Variants in DAB2IP observed in about 807,000 individuals in gnomAD.
DAB2IP encodes disabled homolog 2-interacting protein.
A neutral mutation model predicts 107.2 loss-of-function variants in DAB2IP; 28 were observed. That is an observed-to-expected ratio of 0.26 (90% CI 0.19 to 0.36). DAB2IP has a LOEUF of 0.36. DAB2IP is among the 10% of genes least tolerant of loss of function. The pLI is 1.00. For missense variants in DAB2IP, 1,400 were observed against 1,644.7 expected (o/e 0.85, Z 2.57); for synonymous variants, 755 against 706.4 (o/e 1.07, Z -1.09).
intron 1 of DAB2IP, among the ~76,000 whole-genome samples, chr9:121,666,737 A>C (rs1833450268): frequency 6.6e-6 from 1 of 152,122 alleles, no homozygotes. Flanking sequence ...CACGTTCTGC[A>C]CATGTATCCC....
chr9:121,695,088 C>T (rs896588506), intron 2 of DAB2IP, among the ~76,000 whole-genome samples: 3 of 152,240 alleles, frequency 2.0e-5, no homozygotes, highest in Non-Finnish European at 4.4e-5. Context: ...GCCCTGCCTG[C>T]CCCGTGCACT....
In DAB2IP at chr9:121,741,435, T is replaced by A. The variant is rs559929607; in HGVS notation, c.363-15578T>A. Among the ~76,000 whole-genome samples the A allele has an allele frequency of 1.1e-3, 165 of 152,266 alleles. 1 individual carries two copies. The highest frequency in any genetic ancestry group is 3.9e-3 in the African/African-American group (160 of 41,558). On this transcript the variant is annotated intron_variant, in intron 3 of 15. Transcript: ENST00000408936. ...ACTTATGCTGCCTCCTGACAGCCTG[T>A]GTGGCTTTAGGCTCTCGCTTCCCTC...
rs570328450 is a variant in DAB2IP at position 121,618,869 on chromosome 9, G to T, written c.40+51641G>T. Among the ~76,000 whole-genome samples, 10 of 152,272 alleles carry T rather than the reference G, an allele frequency of 6.6e-5. No homozygotes were observed. The East Asian group carries it at 1.9e-3, about 29-fold the overall frequency. On this transcript the variant is annotated intron_variant, in intron 1 of 16. Transcript: ENST00000259371. Reference sequence around the variant, plus strand: ...TGGTGGTGGGGGTGGCGGGGCAGGGGCTGTGTGTACGGCATCCCTAATCTG... The same window carrying T: ...TGGTGGTGGGGGTGGCGGGGCAGGGTCTGTGTGTACGGCATCCCTAATCTG...
At chr9:121,638,279 A>T (rs1031651976) in intron 1 of DAB2IP, among the ~76,000 whole-genome samples, 6 of 152,260 alleles carry the variant, frequency 3.9e-5, no homozygotes, top group Non-Finnish European at 7.3e-5. Flanking sequence ...ACATTGTATT[A>T]GCTATAAGTA....
rs1829791414 is a variant in DAB2IP, at chr9:121,701,672, G to A, written c.362+2214G>A. Among the ~76,000 whole-genome samples, 1 of 152,174 alleles carries A rather than the reference G, an allele frequency of 6.6e-6. No individual in the cohort carries two copies. The highest frequency in any genetic ancestry group is 6.5e-5 in the Admixed American group (1 of 15,284). On this transcript the variant is annotated intron_variant, in intron 3 of 15. Coordinates refer to ENST00000408936, the Ensembl canonical transcript of DAB2IP. The surrounding 1 kb of genome is among the most constrained non-coding windows in gnomAD (Gnocchi z 4.7). ...CTTAGGAACAGATTCGTCGGCTGCT[G>A]CTGGGATGGATGGGCAGAAATTTCT... is the stretch of plus-strand genomic sequence containing the variant.
chr9:121,641,935 T>TCTCTCTTTCTTTCTG, intron 1 of DAB2IP, among the ~76,000 whole-genome samples: 1 of 113,698 alleles, frequency 8.8e-6, no homozygotes, highest in Non-Finnish European at 1.7e-5. Flanking sequence ...CTTTCTTTCT[T>TCTCTCTTTCTTTCTG]TCTCTCTTTC....
chr9:121,758,252 C>T (rs1262410547), intron 4 of DAB2IP, among the ~76,000 whole-genome samples: 1 of 152,150 alleles, frequency 6.6e-6, no homozygotes, highest in Non-Finnish European at 1.5e-5. Flanking sequence ...CAGGAGATGT[C>T]TAAGCTGGAC....
Position 121,721,195 on chromosome 9 carries a change from T to C in DAB2IP, c.362+21737T>C, listed in dbSNP as rs190438431. The stretch of plus-strand genomic sequence containing the variant: ...CACAGCTTCTGATGTAAAGATCAAA[T>C]AACAATAGGGAGATCTGGATGCAGC... On this transcript the variant is annotated intron_variant, in intron 3 of 15. Coordinates refer to ENST00000408936, the Ensembl canonical transcript of DAB2IP. Among the ~76,000 whole-genome samples the C allele has an allele frequency of 7.9e-5, 12 of 152,230 alleles. No homozygotes were observed. The East Asian group carries it at 2.3e-3, about 29-fold the overall frequency.
chr9:121,652,813 T>TTCCCACCC (rs1832808447), intron 1 of DAB2IP, among the ~76,000 whole-genome samples: 1 of 152,108 alleles, frequency 6.6e-6, no homozygotes, highest in Admixed American at 6.5e-5. Context: ...CAGGCTGCCG[T>TTCCCACCC]TGTGTGACCT....
intron 9 of DAB2IP, among the ~76,000 whole-genome samples, chr9:121,767,505 A>G (rs1175234043): frequency 1.3e-5 from 2 of 152,204 alleles, no homozygotes; most frequent in Non-Finnish European, 2.9e-5. Context: ...TGAGGCGTTC[A>G]TTGTCTCAAG....
At chr9:121,568,542 G>A (rs148312475) in intron 1 of DAB2IP, among the ~76,000 whole-genome samples, 1 of 152,324 alleles carries the variant, frequency 6.6e-6, no homozygotes, top group Non-Finnish European at 1.5e-5. Flanking sequence ...CCTTGGCCTG[G>A]AAGAGCTCCC....
At chr9:121,784,679 C>T (rs1002918996) in exon 16 of DAB2IP, 6 of 155,088 alleles carry the variant, frequency 3.9e-5, no homozygotes, top group Non-Finnish European at 7.3e-5. Context: ...CTGGTGCTGC[C>T]GAGGGCTGGC....
chr9:121,667,697 C>T (rs1291101741), intron 1 of DAB2IP, among the ~76,000 whole-genome samples: 2 of 151,468 alleles, frequency 1.3e-5, no homozygotes, highest in African/African-American at 4.9e-5. Context: ...GGAGTTTTGC[C>T]ATGTTGGCCA....
At chr9:121,575,738 C>A (rs501001) in intron 1 of DAB2IP, among the ~76,000 whole-genome samples, 88,110 of 151,918 alleles carry the variant, frequency 0.58, 26,520 homozygotes, top group Middle Eastern at 0.71. Context: ...CCCACTGCCC[C>A]GTCTGTTCCT....
chr9:121,761,054 G>T (rs1298290848), intron 6 of DAB2IP, among the ~76,000 whole-genome samples: 1 of 152,186 alleles, frequency 6.6e-6, no homozygotes, highest in Non-Finnish European at 1.5e-5. Context: ...GGCCAGAGGT[G>T]CTCAATGTCC....
At chr9:121,775,299 C>T (rs533508605) in intron 13 of DAB2IP, among the ~76,000 whole-genome samples, 6 of 152,298 alleles carry the variant, frequency 3.9e-5, no homozygotes, top group East Asian at 1.9e-4. Flanking sequence ...TCCTTCTCCC[C>T]GGCCTCAGGC....
intron 2 of DAB2IP, among the ~76,000 whole-genome samples, chr9:121,685,640 C>T (rs1475661913): frequency 1.3e-5 from 2 of 152,266 alleles, no homozygotes; most frequent in African/African-American, 4.8e-5. Context: ...TTACTTTCTT[C>T]TCTCCTTTTG....
rs529278957 is a variant in DAB2IP, at chr9:121,704,960, G to C, written c.362+5502G>C. ...TACTTGAGCCCCATGGGCACCTTTG[G>C]GGGCAGGGCTGACCGGCCCAGGAGC... On this transcript the variant is annotated intron_variant, in intron 3 of 15. Transcript: ENST00000408936. Among the ~76,000 whole-genome samples, 71 of 152,350 alleles carry C rather than the reference G, an allele frequency of 4.7e-4. No individual in the cohort carries two copies. In the South Asian group the frequency reaches 5.0e-3, roughly 11 times the overall value.
chr9:121,727,788 C>T (rs146819811), intron 3 of DAB2IP, among the ~76,000 whole-genome samples: 533 of 152,320 alleles, frequency 3.5e-3, no homozygotes, highest in African/African-American at 8.3e-3. Context: ...TTGCCTCTCT[C>T]TTGGGCAGGC....
Sources: gnomAD v4.1 joint callset for allele counts (sites outside exome capture counted in the v4.1 genomes callset) on GRCh38, gnomAD v4.1.1 for gene constraint, Gnocchi (gnomAD v3.1) non-coding constraint, MANE v1.5 for transcripts, NCBI Gene and HGNC (gene_info 2026-07-23, HGNC 2026-07-21) for gene names.